Variants in PITPNC1 observed in about 807,000 individuals in gnomAD.
The protein encoded by PITPNC1 is phosphatidylinositol transfer protein cytoplasmic 1.
A neutral mutation model predicts 44.7 loss-of-function variants in PITPNC1; 18 were observed. The ratio of observed to expected loss-of-function variants is 0.40; its 90% confidence interval spans 0.28 to 0.60. The LOEUF is 0.60. Ranked by LOEUF, PITPNC1 falls within the 20% of genes least tolerant of loss-of-function variation. PITPNC1 has a pLI of 0.39. For synonymous variants in PITPNC1, 141 were observed against 149.6 expected (o/e 0.94, Z 0.42); for missense variants, 290 against 418.4 (o/e 0.69, Z 2.68).
intron 1 of PITPNC1, among the ~76,000 whole-genome samples, chr17:67,394,868 C>T (rs1405712161): frequency 6.6e-6 from 1 of 151,726 alleles, no homozygotes; most frequent in South Asian, 2.1e-4. Context: ...GCACTCTAGC[C>T]TGGGCAACAG....
Position 67,694,043 on chromosome 17 carries a change from T to G in PITPNC1, c.*1155T>G, listed in dbSNP as rs2042971995. ...ATGAGCAGAATTGCTGACTCCTATT[T>G]GTAGAGTGAAAAGGAGGAGTGATAA... On this transcript the variant is annotated 3_prime_UTR_variant, in exon 9 of 9. Coordinates refer to ENST00000581322, the MANE Select transcript of PITPNC1 (RefSeq NM_012417.4). 2 of 152,292 alleles carry G rather than the reference T, an allele frequency of 1.3e-5. No homozygotes were observed. Among genetic ancestry groups the G allele is most frequent in the South Asian group, 4.1e-4 (2 of 4,836 alleles). The allele number at this position is 152,292 out of a possible 1,614,324, so 9.4% of individuals were successfully genotyped here.
intron 1 of PITPNC1, among the ~76,000 whole-genome samples, chr17:67,451,581 A>G (rs1309953558): frequency 1.3e-5 from 2 of 151,596 alleles, no homozygotes; most frequent in East Asian, 3.9e-4. Flanking sequence ...TGTCTTTTCT[A>G]GTAATTTCGT....
At chr17:67,602,321 A>C (rs371124967) in intron 5 of PITPNC1, among the ~76,000 whole-genome samples, 12 of 152,266 alleles carry the variant, frequency 7.9e-5, no homozygotes, top group East Asian at 5.8e-4. Context: ...AGTGAGAGTA[A>C]GAGAATACAG....
intron 1 of PITPNC1, among the ~76,000 whole-genome samples, chr17:67,490,621 C>A (rs2039852125): frequency 1.3e-5 from 2 of 151,932 alleles, no homozygotes; most frequent in Non-Finnish European, 1.5e-5. Context: ...TCTGGTGTCC[C>A]AGAAGAAGCC....
At chr17:67,538,268 G>T (rs1196928929) in intron 2 of PITPNC1, among the ~76,000 whole-genome samples, 1 of 152,060 alleles carries the variant, frequency 6.6e-6, no homozygotes, top group Non-Finnish European at 1.5e-5. Flanking sequence ...CTTCTAATTG[G>T]AAGAATGACT....
At position 67,534,668 on chromosome 17, in the gene PITPNC1, G is replaced by A. The variant is rs1021968220; in HGVS notation, c.197+1718G>A. ...AAAAAGAAAAGAAAAGAAAAGAAAAGAATAAAGAAAAAAAAGAAATATATT... is the reference window on the plus strand; with the variant it reads ...AAAAAGAAAAGAAAAGAAAAGAAAAAAATAAAGAAAAAAAAGAAATATATT... On this transcript the variant is annotated intron_variant, in intron 2 of 8. Transcript: ENST00000581322. Among the ~76,000 whole-genome samples, 3 of 151,108 alleles carry A rather than the reference G, an allele frequency of 2.0e-5. 1 individual carries two copies. In the South Asian group the frequency reaches 6.3e-4, roughly 32 times the overall value.
chr17:67,448,594 A>G (rs2039133591), intron 1 of PITPNC1, among the ~76,000 whole-genome samples: 1 of 152,130 alleles, frequency 6.6e-6, no homozygotes, highest in African/African-American at 2.4e-5. Flanking sequence ...CCACTGGACC[A>G]TTCTCTAGAA....
chr17:67,607,978 C>T (rs1423072938), intron 5 of PITPNC1, among the ~76,000 whole-genome samples: 1 of 152,072 alleles, frequency 6.6e-6, no homozygotes, highest in African/African-American at 2.4e-5. Context: ...GATTCACCCA[C>T]CTCGGCCTCC....
At chr17:67,678,871 C>G (rs1178870295) in intron 8 of PITPNC1, among the ~76,000 whole-genome samples, 1 of 151,360 alleles carries the variant, frequency 6.6e-6, no homozygotes, top group Non-Finnish European at 1.5e-5. Flanking sequence ...AACATGGAAA[C>G]ATGGAAAAGA....
Position 67,459,239 on chromosome 17 carries a change from T to A in PITPNC1, c.49-73563T>A, listed in dbSNP as rs371922436. The stretch of plus-strand genomic sequence containing the variant: ...TTCAAGCGATTCTCCTGCCTCAGCC[T>A]CCCGAGTAGCTGGGATTACAGGTGT... On this transcript the variant is annotated intron_variant, in intron 1 of 8. Transcript: ENST00000581322. 6.7e-5 allele frequency among the ~76,000 whole-genome samples: 10 copies of A among 149,934 alleles called. No individual in the cohort carries two copies. The East Asian group carries it at 8.1e-4, about 12-fold the overall frequency.
At chr17:67,669,286 T>C (rs1179856111) in intron 6 of PITPNC1, among the ~76,000 whole-genome samples, 1 of 152,170 alleles carries the variant, frequency 6.6e-6, no homozygotes, top group African/African-American at 2.4e-5. Flanking sequence ...CAGCTAATTT[T>C]TGTATTTTTA....
chr17:67,560,114 T>C (rs188233857), intron 4 of PITPNC1, among the ~76,000 whole-genome samples: 89 of 152,344 alleles, frequency 5.8e-4, no homozygotes, highest in African/African-American at 1.9e-3. Context: ...AGAGCCTTTC[T>C]TATTCTAATG....
chr17:67,575,668 T>A (rs189245796), intron 4 of PITPNC1, among the ~76,000 whole-genome samples: 69 of 152,194 alleles, frequency 4.5e-4, no homozygotes, highest in African/African-American at 1.6e-3. Context: ...GTTTTCCAGG[T>A]TGAGCATGCC....
intron 1 of PITPNC1, among the ~76,000 whole-genome samples, chr17:67,403,919 G>A (rs1055797881): frequency 1.3e-5 from 2 of 152,182 alleles, no homozygotes; most frequent in African/African-American, 2.4e-5. Context: ...CTACTTGGGA[G>A]GCTGAGGCAG....
At chr17:67,590,099 C>T (rs911639319) in intron 5 of PITPNC1, among the ~76,000 whole-genome samples, 1 of 152,122 alleles carries the variant, frequency 6.6e-6, no homozygotes, top group African/African-American at 2.4e-5. Context: ...AGAAGCACTA[C>T]CTCTGGGAGT....
In PITPNC1 at chr17:67,696,022, T is replaced by G. The variant is rs1269911455; in HGVS notation, c.*3134T>G. 3.3e-5 allele frequency: 5 copies of G among 152,236 alleles called. No individual in the cohort carries two copies. Among genetic ancestry groups the G allele is most frequent in the African/African-American group, 1.2e-4 (5 of 41,468 alleles). The allele number at this position is 152,236 out of a possible 1,614,324, so 9.4% of individuals were successfully genotyped here. On this transcript the variant is annotated 3_prime_UTR_variant, in exon 9 of 9. Transcript: ENST00000581322. ...GTGACATTTTTAGTTGCCACCGTTG[T>G]AACTCAAACAATATGGGTTTGTTGG...
rs117795415 is a variant in PITPNC1, at chr17:67,464,394, T to C, written c.49-68408T>C. On this transcript the variant is annotated intron_variant, in intron 1 of 8. Transcript: ENST00000581322. ...ATGGCTTTCTCAGAACGTCCTGCTG[T>C]TCATGATGGACTTCATCTATATTTC... 6.2e-4 allele frequency among the ~76,000 whole-genome samples: 94 copies of C among 152,292 alleles called. 1 individual carries two copies. In the East Asian group the frequency reaches 0.016, roughly 25 times the overall value.
intron 1 of PITPNC1, among the ~76,000 whole-genome samples, chr17:67,421,101 C>A (rs965842594): frequency 6.6e-6 from 1 of 152,074 alleles, no homozygotes; most frequent in Non-Finnish European, 1.5e-5. Flanking sequence ...TGGCTTCCTT[C>A]CTTCCAGGTA....
intron 1 of PITPNC1, among the ~76,000 whole-genome samples, chr17:67,510,707 T>C (rs1158725020): frequency 4.6e-5 from 7 of 152,156 alleles, no homozygotes; most frequent in African/African-American, 1.4e-4. Context: ...CAAGTGATTC[T>C]CCTGCCTCAG....
Sources: gnomAD v4.1 joint callset for allele counts (sites outside exome capture counted in the v4.1 genomes callset) on GRCh38, gnomAD v4.1.1 for gene constraint, MANE v1.5 for transcripts, NCBI Gene and HGNC (gene_info 2026-07-23, HGNC 2026-07-21) for gene names.